COG5: variants seen among roughly 807,000 people sequenced by gnomAD.
The protein encoded by COG5 is component of oligomeric golgi complex 5.
Under a neutral mutation model 110.4 loss-of-function variants are expected in COG5, and 86 were observed. The ratio of observed to expected loss-of-function variants is 0.78; its 90% CI spans 0.65 to 0.93. The LOEUF (loss-of-function observed/expected upper bound fraction) is 0.93, where lower values mean the gene tolerates loss of function less well. Among genes scored for constraint, COG5 ranks in the 40% least tolerant of loss-of-function variants. COG5 has a pLI of 0.00. For missense variants in COG5, 1,077 were observed against 987.0 expected (o/e 1.09, Z -1.22); for synonymous variants, 360 against 334.6 (o/e 1.08, Z -0.83).
intron 7 of COG5, among the ~76,000 whole-genome samples, chr7:107,386,552 C>A (rs971568680): frequency 4.6e-5 from 7 of 152,094 alleles, no homozygotes; most frequent in African/African-American, 1.7e-4. Flanking sequence ...CTCGGGATCT[C>A]CAAGTTTGGG....
intron 11 of COG5, among the ~76,000 whole-genome samples, chr7:107,308,486 T>A (rs985497989): frequency 1.5e-4 from 23 of 152,196 alleles, no homozygotes; most frequent in Non-Finnish European, 3.1e-4. Flanking sequence ...TTTGCCTTTT[T>A]AAATAAAATT....
chr7:107,375,979 TG>T (rs1814607411), intron 7 of COG5, among the ~76,000 whole-genome samples: 1 of 152,030 alleles, frequency 6.6e-6, no homozygotes, highest in African/African-American at 2.4e-5. Context: ...ACAATTCACC[TG>T]GAATTAATTT....
intron 16 of COG5, among the ~76,000 whole-genome samples, chr7:107,250,320 A>G (rs1489853119): frequency 1.3e-5 from 2 of 152,138 alleles, no homozygotes; most frequent in African/African-American, 4.8e-5. Context: ...TGCGGCTTGC[A>G]ACTGAGGCTT....
chr7:107,474,898 G>A lies in COG5; in HGVS notation c.538+52339C>T, dbSNP rs1379040882. ...GTCACAAAGCAGTGGTGGGAGAAAT[G>A]TAGTCTTTGGTGTAAGAACTTCAGT... On this transcript the variant is annotated intron_variant, in intron 6 of 21. Coordinates refer to ENST00000297135, the MANE Select transcript of COG5 (RefSeq NM_006348.5). This position sits in a 1 kb window ranked among gnomAD's most constrained non-coding sequence, Gnocchi z 5.7. 1.9e-6 allele frequency: 3 copies of A among 1,613,132 alleles called. No individual in the cohort carries two copies. The Admixed American group carries it at 5.0e-5, about 27-fold the overall frequency.
chr7:107,433,582 G>A (rs1362276276), intron 6 of COG5, among the ~76,000 whole-genome samples: 1 of 152,190 alleles, frequency 6.6e-6, no homozygotes, highest in Non-Finnish European at 1.5e-5. Context: ...GAAAAGGACA[G>A]TGTTTTCAAC....
At position 107,486,590 on chromosome 7, in the gene COG5, TA is replaced by T. The variant is rs1439174932; in HGVS notation, c.538+40646del. Among the ~76,000 whole-genome samples, 10 of 151,818 alleles carry T rather than the reference TA, an allele frequency of 6.6e-5. 3 individuals carry two copies. The highest frequency in any genetic ancestry group is 2.4e-4 in the African/African-American group (10 of 41,404). The stretch of plus-strand genomic sequence containing the variant: ...TTAAAAACTATAAAAAAGAAAACAC[TA>T]AAAAAATCTAGCTGTAAATAGTAAT... On this transcript the variant is annotated intron_variant, in intron 6 of 21. Coordinates refer to ENST00000297135, the MANE Select transcript of COG5 (RefSeq NM_006348.5).
At chr7:107,438,273 G>T (rs1794482903) in intron 6 of COG5, among the ~76,000 whole-genome samples, 1 of 152,068 alleles carries the variant, frequency 6.6e-6, no homozygotes, top group African/African-American at 2.4e-5. Flanking sequence ...TCCTTTACTG[G>T]AGACAAGTCT....
chr7:107,372,279 G>A (rs1814245443), intron 8 of COG5, among the ~76,000 whole-genome samples: 1 of 152,068 alleles, frequency 6.6e-6, no homozygotes, highest in South Asian at 2.1e-4. Context: ...TACATGGGAG[G>A]ATAAGGATTT....
intron 21 of COG5, chr7:107,208,614 A>G (rs1798934135): frequency 1.0e-6 from 1 of 985,320 alleles, no homozygotes; most frequent in Non-Finnish European, 1.2e-6. Context: ...CCTCACCCAA[A>G]TCCAAAGCCT....
At position 107,227,636 on chromosome 7, in the gene COG5, T is replaced by G. The variant is rs77017836; in HGVS notation, c.2168+2979A>C. 5.6e-3 allele frequency among the ~76,000 whole-genome samples: 852 copies of G among 152,056 alleles called. 48 individuals are homozygous for G. The East Asian group carries it at 0.11, about 19-fold the overall frequency. On this transcript the variant is annotated intron_variant, in intron 19 of 21. Transcript: ENST00000297135. ...TTGTATCTCCATACTATGACACAAC[T>G]TTAAGAGTGCTTACATGAAGGTCAT...
chr7:107,520,925 T>C (rs1800278558), intron 6 of COG5, among the ~76,000 whole-genome samples: 4 of 152,216 alleles, frequency 2.6e-5, no homozygotes, highest in Admixed American at 2.0e-4. Context: ...CAAAACAGCA[T>C]GGTCCTGGTA....
At chr7:107,544,254 G>A (rs1463830465) in intron 5 of COG5, among the ~76,000 whole-genome samples, 1 of 151,406 alleles carries the variant, frequency 6.6e-6, no homozygotes, top group Non-Finnish European at 1.5e-5. Flanking sequence ...CAGGCATTGT[G>A]GACTCAGGCT....
intron 7 of COG5, 67 bp downstream of exon 7, chr7:107,412,435 C>A: frequency 6.6e-7 from 1 of 1,504,042 alleles, no homozygotes; most frequent in Non-Finnish European, 9.2e-7. Flanking sequence ...TTTTTGAACT[C>A]AAAGTCAAAT....
intron 11 of COG5, among the ~76,000 whole-genome samples, chr7:107,302,567 A>G (rs189981776): frequency 2.0e-5 from 3 of 152,322 alleles, no homozygotes; most frequent in Non-Finnish European, 2.9e-5. Flanking sequence ...AAGAGAAATT[A>G]TCTCAGAGAA....
At chr7:107,306,137 T>C (rs1206397034) in intron 11 of COG5, among the ~76,000 whole-genome samples, 1 of 152,174 alleles carries the variant, frequency 6.6e-6, no homozygotes, top group Non-Finnish European at 1.5e-5. Flanking sequence ...GTAAAGTATA[T>C]TAATCCTTTC....
At chr7:107,466,274 C>G (rs867534571) in intron 6 of COG5, among the ~76,000 whole-genome samples, 1 of 151,982 alleles carries the variant, frequency 6.6e-6, no homozygotes, top group Admixed American at 6.6e-5. Context: ...AACAGTTGTG[C>G]AACAGAGGGA....
At chr7:107,479,498 A>G (rs1797190296) in intron 6 of COG5, among the ~76,000 whole-genome samples, 1 of 152,164 alleles carries the variant, frequency 6.6e-6, no homozygotes, top group Non-Finnish European at 1.5e-5. Context: ...CACTAGCTTG[A>G]CAAGGGAGTG....
At chr7:107,217,672 C>T (rs188848679) in intron 19 of COG5, among the ~76,000 whole-genome samples, 31 of 152,176 alleles carry the variant, frequency 2.0e-4, no homozygotes, top group Admixed American at 1.6e-3. Flanking sequence ...GCGGAAAAAG[C>T]ATTTGACAAA....
chr7:107,317,226 C>A (rs1808837982), intron 11 of COG5, among the ~76,000 whole-genome samples: 1 of 152,086 alleles, frequency 6.6e-6, no homozygotes, highest in Admixed American at 6.6e-5. Context: ...AAAGGACTTT[C>A]CAGGCCATGG....
Sources: allele counts gnomAD v4.1 joint callset (sites outside exome capture counted in the v4.1 genomes callset), GRCh38; gene constraint gnomAD v4.1.1; non-coding constraint Gnocchi (gnomAD v3.1); transcripts MANE v1.5; gene names NCBI Gene and HGNC (gene_info 2026-07-23, HGNC 2026-07-21).